CLNS1A: variants seen among roughly 807,000 people sequenced by gnomAD.
CLNS1A encodes methylosome subunit pICln.
A neutral mutation model predicts 29.4 loss-of-function variants in CLNS1A; 16 were observed. The observed-to-expected ratio is 0.54, with a 90% CI of 0.37 to 0.83. The LOEUF (loss-of-function observed/expected upper bound fraction) is 0.83. Ranked by LOEUF, CLNS1A falls within the 40% of genes least tolerant of loss-of-function variation. The pLI is 0.00. For synonymous variants in CLNS1A, 96 were observed against 104.8 expected, an observed-to-expected ratio of 0.92 and a Z score of 0.51; for missense variants, 235 against 287.4, an observed-to-expected ratio of 0.82 and a Z score of 1.32.
chr11:77,637,754 A>G lies in CLNS1A; in HGVS notation c.-40T>C. Reference sequence around the variant, plus strand: ...GCAACACAGGCCCTGAGGGAGTTGGAGCACAGCAATGCGTGCACCACACCG... The same window carrying G: ...GCAACACAGGCCCTGAGGGAGTTGGGGCACAGCAATGCGTGCACCACACCG... On this transcript the variant is annotated 5_prime_UTR_variant, in exon 1 of 7. Transcript: ENST00000525428. 1.9e-6 allele frequency: 3 copies of G among 1,539,536 alleles called. No homozygotes were observed. Among genetic ancestry groups the G allele is most frequent in the Admixed American group, 2.0e-5 (1 of 49,660 alleles).
chr11:77,617,367 C>CA (rs71043593), intron 6 of CLNS1A, among the ~76,000 whole-genome samples: 9,078 of 65,632 alleles, frequency 0.14, 985 homozygotes, highest in African/African-American at 0.32. Flanking sequence ...AACTCCATCT[C>CA]AAAAAAAAAA....
chr11:77,634,594 C>T (rs1347719236), intron 1 of CLNS1A, among the ~76,000 whole-genome samples: 1 of 151,680 alleles, frequency 6.6e-6, no homozygotes. Context: ...CGTGGTGGAG[C>T]ACGTCTGTAG....
chr11:77,637,623 C>T lies in CLNS1A; in HGVS notation c.92G>A (p.Gly31Asp). Residue 31 changes from glycine to aspartate, a missense_variant, in exon 1 of 7, where the codon GGC becomes GAC. By Grantham distance (94) the Gly-to-Asp change is moderately conservative. Coordinates refer to ENST00000525428, the MANE Select transcript of CLNS1A (RefSeq NM_001293.3). ...PDTEAVLNGK[G>D]LGTGTLYIAE... is the part of the protein sequence containing the mutation. ...GATGTAAAGGGTACCAGTGCCGAGG[C>T]CCTTCCCGTTCAGCACAGCCTCAGT... 1 of 1,596,182 alleles carries T rather than the reference C, an allele frequency of 6.3e-7. No homozygotes were observed. The highest frequency in any genetic ancestry group is 8.5e-7 in the Non-Finnish European group (1 of 1,171,844).
chr11:77,635,178 A>T (rs1470968893), intron 1 of CLNS1A, among the ~76,000 whole-genome samples: 1 of 152,320 alleles, frequency 6.6e-6, no homozygotes, highest in South Asian at 2.1e-4. Flanking sequence ...TATTGTGGTT[A>T]TACAAGATAA....
At chr11:77,628,927 T>C (rs976702692) in intron 2 of CLNS1A, among the ~76,000 whole-genome samples, 1 of 152,136 alleles carries the variant, frequency 6.6e-6, no homozygotes, top group African/African-American at 2.4e-5. Flanking sequence ...GAATATTTAG[T>C]ATAATAATAG....
At chr11:77,628,210 G>A (rs1959040679) in intron 2 of CLNS1A, among the ~76,000 whole-genome samples, 1 of 152,178 alleles carries the variant, frequency 6.6e-6, no homozygotes, top group African/African-American at 2.4e-5. Flanking sequence ...CTCTTGGCAT[G>A]TACCTTTCCC....
chr11:77,629,604 C>T (rs1489121056), intron 2 of CLNS1A, among the ~76,000 whole-genome samples, 159 bp downstream of exon 2: 1 of 152,122 alleles, frequency 6.6e-6, no homozygotes, highest in Non-Finnish European at 1.5e-5. Context: ...CCGTATTAGC[C>T]AGGATGGTCT....
intron 1 of CLNS1A, among the ~76,000 whole-genome samples, chr11:77,632,807 G>A (rs979780813): frequency 3.0e-4 from 46 of 151,942 alleles, no homozygotes; most frequent in Non-Finnish European, 5.0e-4. Context: ...ATTATAAGCC[G>A]AGCGTGGTGG....
At chr11:77,619,453 G>T in intron 6 of CLNS1A, 153 bp downstream of exon 6, 1 of 605,210 alleles carries the variant, frequency 1.7e-6, no homozygotes, top group Non-Finnish European at 3.0e-6. Flanking sequence ...GATTGCTTGA[G>T]TTCAAGGCTG....
At chr11:77,631,883 G>A (rs1286913404) in intron 1 of CLNS1A, among the ~76,000 whole-genome samples, 1 of 152,090 alleles carries the variant, frequency 6.6e-6, no homozygotes, top group South Asian at 2.1e-4. Flanking sequence ...GATTACAAGC[G>A]TGTGACACCA....
chr11:77,615,934 C>G lies in CLNS1A; in HGVS notation c.*784G>C, dbSNP rs74628459. Reference sequence around the variant, plus strand: ...AGTTGATAAATATAAGAAATTACTGCTGATCTAAAAGGAAGTGGCAGAAAT... The same window carrying G: ...AGTTGATAAATATAAGAAATTACTGGTGATCTAAAAGGAAGTGGCAGAAAT... On this transcript the variant is annotated 3_prime_UTR_variant, in exon 7 of 7. Transcript: ENST00000525428. The G allele has an allele frequency of 6.6e-6, 1 of 152,124 alleles. No individual in the cohort carries two copies. Among genetic ancestry groups the G allele is most frequent in the African/African-American group, 2.4e-5 (1 of 41,426 alleles). 9.4% of individuals were successfully genotyped at this position (152,124 alleles called of 1,614,324 possible).
intron 6 of CLNS1A, among the ~76,000 whole-genome samples, chr11:77,618,969 T>C (rs1958930813): frequency 6.6e-6 from 1 of 152,208 alleles, no homozygotes; most frequent in Non-Finnish European, 1.5e-5. Context: ...GACTGGAGGA[T>C]AGCCAGTATT....
intron 5 of CLNS1A, 134 bp downstream of exon 5, chr11:77,622,366 G>T: frequency 1.6e-6 from 1 of 642,330 alleles, no homozygotes. Context: ...CCTATACTAT[G>T]TAATTCTGTA....
intron 6 of CLNS1A, among the ~76,000 whole-genome samples, chr11:77,617,833 G>A (rs1048591227): frequency 5.3e-5 from 8 of 151,136 alleles, no homozygotes; most frequent in African/African-American, 1.2e-4. Context: ...CAGGAGAATC[G>A]CTTGAACCCA....
intron 6 of CLNS1A, among the ~76,000 whole-genome samples, chr11:77,617,140 G>A (rs1364643826): frequency 6.6e-6 from 1 of 152,146 alleles, no homozygotes; most frequent in African/African-American, 2.4e-5. Flanking sequence ...GGCCAAGGCA[G>A]GCGGATAACC....
chr11:77,637,264 ATAAAAGAAAGAAAG>A (rs1959138460), intron 1 of CLNS1A, among the ~76,000 whole-genome samples: 9 of 145,586 alleles, frequency 6.2e-5, no homozygotes, highest in South Asian at 2.1e-4. Context: ...AAAAAAGAAA[ATAAAAGAAAGAAAG>A]AAAGAAAAGA....
At position 77,615,913 on chromosome 11, in the gene CLNS1A, G is replaced by A. The variant is rs2135756422; in HGVS notation, c.*805C>T. The A allele has an allele frequency of 6.6e-6, 1 of 152,270 alleles. No homozygotes were observed. Among genetic ancestry groups the A allele is most frequent in the Non-Finnish European group, 1.5e-5 (1 of 68,018 alleles). 9.4% of individuals were successfully genotyped at this position (152,270 alleles called of 1,614,324 possible). On this transcript the variant is annotated 3_prime_UTR_variant, in exon 7 of 7. Coordinates refer to ENST00000525428, the MANE Select transcript of CLNS1A (RefSeq NM_001293.3). The stretch of plus-strand genomic sequence containing the variant: ...CTATGAAAACTAAAAATTGAGAGTT[G>A]ATAAATATAAGAAATTACTGCTGAT...
chr11:77,636,078 AT>A (rs537051817), intron 1 of CLNS1A, among the ~76,000 whole-genome samples: 3 of 148,426 alleles, frequency 2.0e-5, no homozygotes, highest in South Asian at 4.3e-4. Flanking sequence ...TTTTATTTTT[AT>A]TTTTTTTTTG....
intron 2 of CLNS1A, 109 bp downstream of exon 2, chr11:77,629,654 A>G (rs1166654336): frequency 1.5e-5 from 15 of 1,023,936 alleles, no homozygotes; most frequent in African/African-American, 3.2e-5. Flanking sequence ...TCGGCCTCCC[A>G]GAGTGCTGGG....
Sources: allele counts gnomAD v4.1 joint callset (sites outside exome capture counted in the v4.1 genomes callset), GRCh38; gene constraint gnomAD v4.1.1; transcripts MANE v1.5; gene names NCBI Gene and HGNC (gene_info 2026-07-23, HGNC 2026-07-21).